The following UGT1A9 variants were observed in gnomAD, a reference collection of about 807,000 sequenced individuals.
UGT1A9 encodes UDP-glucuronosyltransferase 1A9.
In UGT1A9, 35 loss-of-function variants were observed where a neutral mutation model predicts 45.0. That is an observed-to-expected ratio of 0.78 (90% CI 0.59 to 1.03). The LOEUF (loss-of-function observed/expected upper bound fraction) is 1.03, where lower values mean the gene tolerates loss of function less well. UGT1A9 is among the 50% of genes least tolerant of loss of function. The pLI is 0.00. For synonymous variants in UGT1A9, 278 were observed against 250.6 expected, an observed-to-expected ratio of 1.11 and a Z score of -1.03; for missense variants, 687 against 666.6, an observed-to-expected ratio of 1.03 and a Z score of -0.34.
At chr2:233,746,950 G>T (rs1693515132) in intron 1 of UGT1A9, among the ~76,000 whole-genome samples, 1 of 151,804 alleles carries the variant, frequency 6.6e-6, no homozygotes. Context: ...AGAAACAAGA[G>T]CTTGAACTTG....
chr2:233,719,060 T>A (rs2076720439), intron 1 of UGT1A9: 2 of 1,614,258 alleles, frequency 1.2e-6, no homozygotes, highest in Middle Eastern at 1.6e-4. Flanking sequence ...TGACAGCCTA[T>A]GCTGTTCCAT....
chr2:233,766,145 C>T (rs1400021152), intron 1 of UGT1A9, among the ~76,000 whole-genome samples: 1 of 152,164 alleles, frequency 6.6e-6, no homozygotes, highest in South Asian at 2.1e-4. Flanking sequence ...CGAATCCCAC[C>T]TGGGCTTGGA....
chr2:233,729,934 A>G (rs45449995), intron 1 of UGT1A9: 47,426 of 1,614,076 alleles, frequency 0.029, 771 homozygotes, highest in African/African-American at 0.049. Context: ...CAGGCCAATC[A>G]TGCCCAACAT....
intron 1 of UGT1A9, among the ~76,000 whole-genome samples, chr2:233,705,147 AAAGAGAG>A (rs1559353962): frequency 1.3e-5 from 2 of 151,972 alleles, no homozygotes; most frequent in Non-Finnish European, 2.9e-5. Context: ...AAAAAAAAAA[AAAGAGAG>A]AGAGAGAGAG....
At position 233,743,889 on chromosome 2, in the gene UGT1A9, C is replaced by G. The variant is rs772404116; in HGVS notation, c.856-23145C>G. 4.4e-6 allele frequency: 6 copies of G among 1,366,986 alleles called. No individual in the cohort carries two copies. In the Admixed American group the frequency reaches 9.5e-5, roughly 22 times the overall value. The allele number at this position is 1,366,986 out of a possible 1,614,324, so 84.7% of individuals were successfully genotyped here. A position where few individuals can be genotyped will look rare whatever the true frequency, so the allele number is the denominator to read the frequency against. ...GCCTCGGATGAGGCCTGCCGGGGCA[C>G]GTCCAGCACCTCGTAGTAGTCCACC... On this transcript the variant is annotated intron_variant, in intron 1 of 4. Coordinates refer to ENST00000354728, the MANE Select transcript of UGT1A9 (RefSeq NM_021027.3).
chr2:233,675,499 T>A (rs1177772032), intron 1 of UGT1A9, among the ~76,000 whole-genome samples: 1 of 152,148 alleles, frequency 6.6e-6, no homozygotes, highest in Non-Finnish European at 1.5e-5. Context: ...TGGGATATGG[T>A]TACAGATAAA....
intron 1 of UGT1A9, among the ~76,000 whole-genome samples, chr2:233,715,756 A>G (rs1346820897): frequency 1.3e-5 from 2 of 152,236 alleles, no homozygotes; most frequent in East Asian, 1.9e-4. Context: ...TGAGTGACAG[A>G]GCGAGGACCC....
rs375883067 is a variant in UGT1A9 at position 233,767,172 on chromosome 2, A to C, written c.987+7A>C. ...GGGCAAAATCCCTCAGACAGTAAGA[A>C]GATTCTATACCATGGCCTCATATCT... On this transcript the variant is annotated splice_region_variant and intron_variant, in intron 2 of 4. Coordinates refer to ENST00000354728, the MANE Select transcript of UGT1A9 (RefSeq NM_021027.3). 4 of 1,613,980 alleles carry C rather than the reference A, an allele frequency of 2.5e-6. No individual in the cohort carries two copies. In the African/African-American group the frequency reaches 5.3e-5, roughly 22 times the overall value.
rs1042595424 is a variant in UGT1A9 at position 233,772,592 on chromosome 2, C to T, written c.*33C>T. On this transcript the variant is annotated 3_prime_UTR_variant, in exon 5 of 5. Transcript: ENST00000354728. ...GTGGGAAATAAGGTAAAATTTTGAA[C>T]CATTCCCTAGTCATTTCCAAACTTG... The T allele has an allele frequency of 7.5e-6, 12 of 1,599,668 alleles. No homozygotes were observed. The highest frequency in any genetic ancestry group is 1.3e-5 in the African/African-American group (1 of 74,558).
chr2:233,719,115 G>C lies in UGT1A9; in HGVS notation c.855+46326G>C, dbSNP rs774010631. 3.5e-5 allele frequency: 57 copies of C among 1,614,126 alleles called. No homozygotes were observed. Among genetic ancestry groups the C allele is most frequent in the Non-Finnish European group, 4.5e-5 (53 of 1,180,048 alleles). The stretch of plus-strand genomic sequence containing the variant: ...TCGCGTTACGCTGGGCTACACTCAA[G>C]GGTTCTTTGAAACAGAACATCTTCT... On this transcript the variant is annotated intron_variant, in intron 1 of 4. Transcript: ENST00000354728.
chr2:233,716,952 C>T (rs1236803568), intron 1 of UGT1A9, among the ~76,000 whole-genome samples: 3 of 152,142 alleles, frequency 2.0e-5, no homozygotes, highest in Non-Finnish European at 4.4e-5. Context: ...TCCCAGGCAC[C>T]AGGAATGTGA....
At chr2:233,682,262 T>C in intron 1 of UGT1A9, 1 of 1,614,238 alleles carries the variant, frequency 6.2e-7, no homozygotes, top group African/African-American at 1.3e-5. Context: ...ATTTTCTCTA[T>C]TAACAAGTTC....
chr2:233,682,652 G>A, intron 1 of UGT1A9: 1 of 1,613,872 alleles, frequency 6.2e-7, no homozygotes. Context: ...CCAAACCCCT[G>A]TCACGGCATA....
At chr2:233,756,500 A>G (rs976556517) in intron 1 of UGT1A9, 2 of 152,096 alleles carry the variant, frequency 1.3e-5, no homozygotes, top group East Asian at 1.9e-4. Context: ...GCCCAAGTAT[A>G]TGGAGGGTCA....
chr2:233,704,065 A>T (rs912280435), intron 1 of UGT1A9, among the ~76,000 whole-genome samples: 4 of 151,732 alleles, frequency 2.6e-5, no homozygotes, highest in Non-Finnish European at 5.9e-5. Flanking sequence ...TAATTTTTGT[A>T]TTTTTTATAG....
intron 1 of UGT1A9, among the ~76,000 whole-genome samples, chr2:233,756,623 G>A (rs1327328388): frequency 6.6e-6 from 1 of 152,146 alleles, no homozygotes; most frequent in East Asian, 1.9e-4. Flanking sequence ...CTTGCAGGCC[G>A]TGTGTATAGC....
rs895250613 is a variant in UGT1A9, at chr2:233,671,969, T to C, written c.35T>C (p.Leu12Pro). The C allele has an allele frequency of 6.2e-7, 1 of 1,613,954 alleles. No homozygotes were observed. Among genetic ancestry groups the C allele is most frequent in the Non-Finnish European group, 8.5e-7 (1 of 1,179,880 alleles). The part of the protein sequence containing the change: ...ACTGWTSPLP[L>P]CVCLLLTCGF... Reference sequence around the variant, plus strand: ...ACAGGGTGGACCAGCCCCCTTCCTCTATGTGTGTGTCTGCTGCTGACCTGT... The same window carrying C: ...ACAGGGTGGACCAGCCCCCTTCCTCCATGTGTGTGTCTGCTGCTGACCTGT... Residue 12 changes from leucine (L) to proline (P), a missense_variant, in exon 1 of 5, where the codon CTA becomes CCA. Coordinates refer to ENST00000354728, the MANE Select transcript of UGT1A9 (RefSeq NM_021027.3).
chr2:233,714,402 T>C (rs1318468382), intron 1 of UGT1A9, among the ~76,000 whole-genome samples: 1 of 152,160 alleles, frequency 6.6e-6, no homozygotes, highest in Non-Finnish European at 1.5e-5. Context: ...GTAGGTGCAA[T>C]GGATGTCTGT....
chr2:233,730,948 C>T (rs2078091104), intron 1 of UGT1A9, among the ~76,000 whole-genome samples: 2 of 152,126 alleles, frequency 1.3e-5, no homozygotes, highest in African/African-American at 4.8e-5. Flanking sequence ...ATTTGGGTTT[C>T]GTTGAAATGG....
Sources: gnomAD v4.1 joint callset for allele counts (sites outside exome capture counted in the v4.1 genomes callset) on GRCh38, gnomAD v4.1.1 for gene constraint, MANE v1.5 for transcripts, NCBI Gene and HGNC (gene_info 2026-07-23, HGNC 2026-07-21) for gene names.